The following MAGI1 variants were observed in gnomAD, a reference collection of about 807,000 sequenced individuals.
MAGI1 encodes membrane associated guanylate kinase, WW and PDZ domain containing 1.
Under a neutral mutation model 139.9 loss-of-function variants are expected in MAGI1, and 58 were observed. The observed-to-expected ratio is 0.41, with a 90% confidence interval of 0.34 to 0.52. The LOEUF (loss-of-function observed/expected upper bound fraction) is 0.52, where lower values mean the gene tolerates loss of function less well. Among genes scored for constraint, MAGI1 ranks in the 20% least tolerant of loss-of-function variants. The pLI is 0.12. For missense variants in MAGI1, 1,874 were observed against 1,901.6 expected, an observed-to-expected ratio of 0.99 and a Z score of 0.27; for synonymous variants, 812 against 737.9, an observed-to-expected ratio of 1.10 and a Z score of -1.63.
At chr3:65,653,890 G>T (rs1226461533) in intron 1 of MAGI1, among the ~76,000 whole-genome samples, 1 of 152,132 alleles carries the variant, frequency 6.6e-6, no homozygotes, top group Admixed American at 6.5e-5. Flanking sequence ...CTCCAACTAT[G>T]TTCAAAATAT....
chr3:65,600,244 G>A (rs2082415217), intron 2 of MAGI1, among the ~76,000 whole-genome samples: 1 of 152,086 alleles, frequency 6.6e-6, no homozygotes, highest in Non-Finnish European at 1.5e-5. Context: ...AAATACAAAA[G>A]GCATTCTTTT....
intron 16 of MAGI1, among the ~76,000 whole-genome samples, chr3:65,379,888 A>C (rs1273485854): frequency 6.6e-6 from 1 of 152,208 alleles, no homozygotes; most frequent in African/African-American, 2.4e-5. Flanking sequence ...CCCATTGCAC[A>C]AAGGGAAGGG....
At chr3:66,001,887 T>C (rs1161815598) in intron 1 of MAGI1, among the ~76,000 whole-genome samples, 1 of 152,194 alleles carries the variant, frequency 6.6e-6, no homozygotes, top group Non-Finnish European at 1.5e-5. Context: ...CTCTCACATA[T>C]ATTAAACAAA....
chr3:65,391,216 G>C lies in MAGI1; in HGVS notation c.2342C>G (p.Thr781Ser). ...PPAEAQAPDQTDSSGQKKPDP... is the reference protein window; with the variant it reads ...PPAEAQAPDQSDSSGQKKPDP... Reference sequence around the variant, plus strand: ...TGGTTTTTTCTGGCCAGAGCTGTCAGTTTGATCTGGAGCTTGGGCCTCTGC... The same window carrying C: ...TGGTTTTTTCTGGCCAGAGCTGTCACTTTGATCTGGAGCTTGGGCCTCTGC... Residue 781 changes from threonine to serine, a missense_variant, in exon 14 of 23, where the codon ACT becomes AGT. Thr to Ser is a moderately conservative substitution (Grantham distance 58, BLOSUM62 1). Around this residue, in one of 5 missense-constraint regions of MAGI1, gnomAD observed 482 missense variants for 509.6 expected, o/e 0.95. Transcript: ENST00000402939. The C allele has an allele frequency of 3.1e-6, 5 of 1,614,230 alleles. No individual in the cohort carries two copies. The highest frequency in any genetic ancestry group is 4.2e-6 in the Non-Finnish European group (5 of 1,180,046).
At chr3:65,829,902 G>A (rs546582440) in intron 1 of MAGI1, among the ~76,000 whole-genome samples, 1 of 152,308 alleles carries the variant, frequency 6.6e-6, no homozygotes, top group African/African-American at 2.4e-5. Context: ...TACATAAACA[G>A]TTGTGCTTTC....
At chr3:65,467,938 A>G (rs1205238749) in intron 5 of MAGI1, among the ~76,000 whole-genome samples, 1 of 152,236 alleles carries the variant, frequency 6.6e-6, no homozygotes, top group African/African-American at 2.4e-5. Flanking sequence ...ATAACCACAG[A>G]TAATGATGAT....
chr3:66,004,121 T>C (rs1026922999), intron 1 of MAGI1, among the ~76,000 whole-genome samples: 2 of 152,168 alleles, frequency 1.3e-5, no homozygotes, highest in Admixed American at 6.5e-5. Context: ...CTGCTCGGAT[T>C]TTATTAGAAG....
chr3:65,872,510 T>C (rs559940135), intron 1 of MAGI1, among the ~76,000 whole-genome samples: 2 of 151,922 alleles, frequency 1.3e-5, no homozygotes, highest in South Asian at 4.2e-4. Flanking sequence ...TAAAGCTGAG[T>C]GTGAGATTAA....
chr3:65,664,617 T>A (rs2086395679), intron 1 of MAGI1, among the ~76,000 whole-genome samples: 1 of 152,218 alleles, frequency 6.6e-6, no homozygotes, highest in Non-Finnish European at 1.5e-5. Context: ...CATATTTGCA[T>A]ATTTGCCTAC....
chr3:65,643,139 G>A (rs1365828860), intron 1 of MAGI1, among the ~76,000 whole-genome samples: 3 of 152,216 alleles, frequency 2.0e-5, no homozygotes, highest in Non-Finnish European at 2.9e-5. Flanking sequence ...CAGCAGACCA[G>A]ATGGTGGGGT....
chr3:65,696,004 C>G (rs975373392), intron 1 of MAGI1, among the ~76,000 whole-genome samples: 3 of 152,172 alleles, frequency 2.0e-5, no homozygotes, highest in African/African-American at 7.2e-5. Flanking sequence ...CTTCTCAAAC[C>G]CTCCAACAGC....
intron 1 of MAGI1, among the ~76,000 whole-genome samples, chr3:65,851,863 A>G (rs1301630952): frequency 1.3e-5 from 2 of 152,218 alleles, no homozygotes; most frequent in African/African-American, 4.8e-5. Context: ...TCAGTAATAT[A>G]AAAAAGTTTA....
chr3:65,623,815 T>G (rs1448968338), intron 1 of MAGI1, among the ~76,000 whole-genome samples: 1 of 152,204 alleles, frequency 6.6e-6, no homozygotes, highest in Non-Finnish European at 1.5e-5. Context: ...TTTGAGCTAT[T>G]TTATTTGGTA....
intron 1 of MAGI1, among the ~76,000 whole-genome samples, chr3:66,011,688 G>T (rs1234945594): frequency 6.6e-6 from 1 of 152,096 alleles, no homozygotes; most frequent in Admixed American, 6.6e-5. Context: ...GGTCGGCTGG[G>T]CCTTGGTTGA....
chr3:65,859,334 T>G (rs2059471580), intron 1 of MAGI1, among the ~76,000 whole-genome samples: 1 of 151,922 alleles, frequency 6.6e-6, no homozygotes, highest in Admixed American at 6.6e-5. Context: ...GCCATTGTTT[T>G]AGCTAAGCAC....
At chr3:65,454,683 T>G (rs980878043) in intron 5 of MAGI1, among the ~76,000 whole-genome samples, 4 of 151,320 alleles carry the variant, frequency 2.6e-5, no homozygotes, top group African/African-American at 9.7e-5. Flanking sequence ...GAAGAGGGTT[T>G]GCCAAAGTTT....
intron 1 of MAGI1, among the ~76,000 whole-genome samples, chr3:65,824,527 A>G (rs1287675799): frequency 1.3e-5 from 2 of 152,258 alleles, no homozygotes; most frequent in Non-Finnish European, 2.9e-5. Context: ...AGAAAGCTGC[A>G]TATACAAGCC....
At chr3:65,452,308 T>C (rs1346429925) in intron 6 of MAGI1, among the ~76,000 whole-genome samples, 1 of 152,212 alleles carries the variant, frequency 6.6e-6, no homozygotes, top group African/African-American at 2.4e-5. Flanking sequence ...AGTATTATAC[T>C]ATAAAATACT....
chr3:65,756,552 G>A (rs2036582175), intron 1 of MAGI1, among the ~76,000 whole-genome samples: 2 of 152,146 alleles, frequency 1.3e-5, no homozygotes, highest in South Asian at 4.1e-4. Flanking sequence ...CCCAGCGTCT[G>A]GCTCCTGGTG....
Sources: gnomAD v4.1 joint callset for allele counts (sites outside exome capture counted in the v4.1 genomes callset) on GRCh38, gnomAD v4.1.1 for gene constraint, gnomAD v4.1.1 regional missense constraint, MANE v1.5 for transcripts, NCBI Gene and HGNC (gene_info 2026-07-23, HGNC 2026-07-21) for gene names.